EFL1: variants seen among roughly 807,000 people sequenced by gnomAD.
The protein encoded by EFL1 is elongation factor-like GTPase 1.
A neutral mutation model predicts 126.7 loss-of-function variants in EFL1; 76 were observed. The ratio of observed to expected loss-of-function variants is 0.60; its 90% CI spans 0.50 to 0.73. The LOEUF is 0.73. Ranked by LOEUF, EFL1 falls within the 30% of genes least tolerant of loss-of-function variation. The probability of loss-of-function intolerance (pLI) is 0.00; values close to 1 mark genes in which losing one functional copy is unlikely to be tolerated. For missense variants in EFL1, 1,128 were observed against 1,343.2 expected, an observed-to-expected ratio of 0.84 and a Z score of 2.50; for synonymous variants, 410 against 448.4, an observed-to-expected ratio of 0.91 and a Z score of 1.08.
intron 19 of EFL1, among the ~76,000 whole-genome samples, chr15:82,131,797 GA>G (rs1040306830): frequency 2.5e-4 from 37 of 146,312 alleles, no homozygotes; most frequent in African/African-American, 8.3e-4. Context: ...TGTCTCAAAA[GA>G]AAAAAAAAAG....
At chr15:82,174,281 C>T (rs1165296396) in intron 15 of EFL1, 1 of 152,118 alleles carries the variant, frequency 6.6e-6, no homozygotes, top group African/African-American at 2.4e-5. Context: ...GAGCTTCCCA[C>T]ATTTGGGGAA....
At chr15:82,177,002 C>T (rs928247536) in intron 15 of EFL1, among the ~76,000 whole-genome samples, 1 of 152,106 alleles carries the variant, frequency 6.6e-6, no homozygotes, top group Admixed American at 6.5e-5. Flanking sequence ...GAAAAATGCC[C>T]AATGCAAGAG....
At chr15:82,221,960 C>G (rs1224523035) in intron 12 of EFL1, among the ~76,000 whole-genome samples, 3 of 152,232 alleles carry the variant, frequency 2.0e-5, no homozygotes, top group African/African-American at 7.2e-5. Context: ...GCTGACCATT[C>G]TAGCCGTTCC....
rs1453171676 is a variant in EFL1 at position 82,151,681 on chromosome 15, T to C, written c.2773A>G (p.Asn925Asp). ...CCATCTTGTAGCTCTTGGTTTTCAT[T>C]TCCACCAGAACAGGTTTCATTTTCC... ...QEENETCSGG[N>D]ENQELQDGCS... Residue 925 changes from asparagine (N) to aspartate (D), a missense_variant, in exon 18 of 20, where the codon AAT becomes GAT. This residue lies in a region of EFL1 where 561 missense variants were observed against 641.7 expected (regional missense o/e 0.87). Coordinates refer to ENST00000268206, the MANE Select transcript of EFL1 (RefSeq NM_024580.6). 1 of 1,614,146 alleles carries C rather than the reference T, an allele frequency of 6.2e-7. No homozygotes were observed. The highest frequency in any genetic ancestry group is 1.1e-5 in the South Asian group (1 of 91,078).
rs187607424 is a variant in EFL1 at position 82,254,823 on chromosome 15, G to C, written c.160-2048C>G. ...GGGAAAATCATTCTGGAGAAAGGAG[G>C]AGGAGGTTAGTCTGGTGCTTAGGGC... On this transcript the variant is annotated intron_variant, in intron 3 of 19. Coordinates refer to ENST00000268206, the MANE Select transcript of EFL1 (RefSeq NM_024580.6). 1.1e-3 allele frequency among the ~76,000 whole-genome samples: 165 copies of C among 152,320 alleles called. 1 individual carries two copies. The highest frequency in any genetic ancestry group is 3.4e-3 in the Middle Eastern group (1 of 294).
intron 15 of EFL1, among the ~76,000 whole-genome samples, chr15:82,190,255 T>C (rs1019953851): frequency 6.6e-6 from 1 of 152,214 alleles, no homozygotes; most frequent in Admixed American, 6.5e-5. Context: ...AACCATGTTT[T>C]TAATTTCCAC....
chr15:82,203,258 C>T (rs1055016811), intron 15 of EFL1, among the ~76,000 whole-genome samples: 2 of 152,172 alleles, frequency 1.3e-5, no homozygotes, highest in Non-Finnish European at 2.9e-5. Flanking sequence ...CAGTCATGTC[C>T]TCTCTCAAGA....
Position 82,261,796 on chromosome 15 carries a change from G to C in EFL1, c.-18C>G. The stretch of plus-strand genomic sequence containing the variant: ...AGCACCATGATTACTTATTTCCTGT[G>C]ACTAAAAATTAAATATGTATTACAA... On this transcript the variant is annotated splice_region_variant and 5_prime_UTR_variant, in exon 2 of 20. Transcript: ENST00000268206. 6.2e-7 allele frequency: 1 copy of C among 1,608,656 alleles called. No individual in the cohort carries two copies. The highest frequency in any genetic ancestry group is 8.5e-7 in the Non-Finnish European group (1 of 1,177,486).
Position 82,132,546 on chromosome 15 carries a change from A to AG in EFL1, c.3175-1986dup, listed in dbSNP as rs1555423044. Among the ~76,000 whole-genome samples the AG allele has an allele frequency of 8.4e-3, 997 of 118,408 alleles. 5 individuals are homozygous for AG. Among genetic ancestry groups the AG allele is most frequent in the Non-Finnish European group, 0.012 (677 of 58,036 alleles). The allele number at this position is 118,408 out of a possible 152,430, so 77.7% of individuals were successfully genotyped here. ...GCAGACAGTAGAAGTGAGAGCAGCC[A>AG]GGGGGCACAGAGGCATTATCAGCAC... On this transcript the variant is annotated intron_variant, in intron 19 of 19. Coordinates refer to ENST00000268206, the MANE Select transcript of EFL1 (RefSeq NM_024580.6).
intron 15 of EFL1, among the ~76,000 whole-genome samples, chr15:82,206,566 C>T (rs775648711): frequency 8.5e-5 from 13 of 152,068 alleles, no homozygotes; most frequent in African/African-American, 1.2e-4. Context: ...TAATCACTTC[C>T]GAATATTTAG....
At chr15:82,142,970 A>T (rs2073804821) in intron 18 of EFL1, among the ~76,000 whole-genome samples, 1 of 152,210 alleles carries the variant, frequency 6.6e-6, no homozygotes, top group South Asian at 2.1e-4. Context: ...CTGTTCTTTT[A>T]TGGCCCTATG....
intron 14 of EFL1, among the ~76,000 whole-genome samples, chr15:82,217,373 G>GAAAAAAAAAAAAAAAA: frequency 1.1e-4 from 3 of 27,148 alleles, no homozygotes; most frequent in Non-Finnish European, 1.4e-4. Flanking sequence ...GATTAGATTT[G>GAAAAAAAAAAAAAAAA]AAAAAAAAAA....
intron 15 of EFL1, among the ~76,000 whole-genome samples, chr15:82,210,190 A>T (rs1379603855): frequency 6.6e-6 from 1 of 152,260 alleles, no homozygotes; most frequent in African/African-American, 2.4e-5. Context: ...ATCTACGATT[A>T]GCAATGTGGT....
At chr15:82,251,655 A>T (rs1749858912) in intron 4 of EFL1, among the ~76,000 whole-genome samples, 1 of 151,772 alleles carries the variant, frequency 6.6e-6, no homozygotes, top group African/African-American at 2.4e-5. Context: ...AAAAAAAATG[A>T]AGCGTTAAAC....
Position 82,238,334 on chromosome 15 carries a change from G to C in EFL1, c.704C>G (p.Thr235Ser), listed in dbSNP as rs1024303977. 2.5e-6 allele frequency: 4 copies of C among 1,614,144 alleles called. No homozygotes were observed. Among genetic ancestry groups the C allele is most frequent in the African/African-American group, 2.7e-5 (2 of 75,026 alleles). ...AAAGCCCCACCCATCTATTGCACTGGTAAACACCACATTTCCCTGTTCTGG... is the reference window on the plus strand; with the variant it reads ...AAAGCCCCACCCATCTATTGCACTGCTAAACACCACATTTCCCTGTTCTGG... ...FSPEQGNVVF[T>S]SAIDGWGFGI... is the part of the protein sequence containing the mutation. The change falls in exon 7 of 20, where the codon ACC becomes AGC. Residue 235 changes from threonine to serine, a missense_variant. Physicochemically the swap from Thr to Ser is moderately conservative, Grantham distance 58 (BLOSUM62 1). Around this residue, in one of 6 missense-constraint regions of EFL1, gnomAD observed 316 missense variants for 318.5 expected, o/e 0.99. Coordinates refer to ENST00000268206, the MANE Select transcript of EFL1 (RefSeq NM_024580.6).
rs11852358 is a variant in EFL1 at position 82,161,326 on chromosome 15, G to A, written c.1882+2527C>T. ...AATAGTCGTCAGACATGTAATCTAC[G>A]AATAAGGGGGTCACTGCCCCAAAAT... is the stretch of plus-strand genomic sequence containing the variant. On this transcript the variant is annotated intron_variant, in intron 16 of 19. Coordinates refer to ENST00000268206, the MANE Select transcript of EFL1 (RefSeq NM_024580.6). Among the ~76,000 whole-genome samples the A allele has an allele frequency of 9.0e-3, 1,369 of 152,266 alleles. 21 individuals are homozygous for A. Among genetic ancestry groups the A allele is most frequent in the African/African-American group, 0.032 (1,313 of 41,552 alleles).
At chr15:82,170,300 G>C (rs2074121598) in intron 15 of EFL1, among the ~76,000 whole-genome samples, 1 of 151,542 alleles carries the variant, frequency 6.6e-6, no homozygotes, top group Admixed American at 6.6e-5. Context: ...ATTTTTAGTA[G>C]AGACGGGGTT....
At chr15:82,211,016 A>T (rs2074578362) in intron 15 of EFL1, among the ~76,000 whole-genome samples, 1 of 152,116 alleles carries the variant, frequency 6.6e-6, no homozygotes, top group African/African-American at 2.4e-5. Flanking sequence ...AGGTAACTGG[A>T]ACACATAGAT....
intron 15 of EFL1, among the ~76,000 whole-genome samples, chr15:82,210,423 TG>T (rs1368306522): frequency 1.3e-5 from 2 of 152,208 alleles, no homozygotes; most frequent in Non-Finnish European, 2.9e-5. Flanking sequence ...GCCACCATGC[TG>T]TAAGGAAGCC....
Sources: gnomAD v4.1 joint callset for allele counts (sites outside exome capture counted in the v4.1 genomes callset) on GRCh38, gnomAD v4.1.1 for gene constraint, gnomAD v4.1.1 regional missense constraint, MANE v1.5 for transcripts, NCBI Gene and HGNC (gene_info 2026-07-23, HGNC 2026-07-21) for gene names.